G2E3: variants seen among roughly 807,000 people sequenced by gnomAD.
G2E3 encodes G2/M-phase specific E3 ubiquitin protein ligase.
In G2E3, 35 loss-of-function variants were observed where a neutral mutation model predicts 92.8. The ratio of observed to expected loss-of-function variants is 0.38; its 90% CI spans 0.29 to 0.50. The LOEUF (loss-of-function observed/expected upper bound fraction) is 0.50. Ranked by LOEUF, G2E3 falls within the 20% of genes least tolerant of loss-of-function variation. G2E3 has a pLI of 0.94. For synonymous variants in G2E3, 242 were observed against 272.4 expected (o/e 0.89, Z 1.10); for missense variants, 554 against 823.8 (o/e 0.67, Z 4.01).
intron 7 of G2E3, 33 bp downstream of exon 7, chr14:30,597,559 G>T (rs563969482): frequency 8.3e-6 from 9 of 1,081,388 alleles, no homozygotes; most frequent in Middle Eastern, 2.0e-4. Flanking sequence ...ATAAAAAAAA[G>T]ATATTTTAAA....
chr14:30,599,519 G>A (rs570426059), intron 8 of G2E3, among the ~76,000 whole-genome samples: 3 of 152,188 alleles, frequency 2.0e-5, no homozygotes, highest in African/African-American at 7.2e-5. Flanking sequence ...GAGCCACTGC[G>A]CTCGGCCATA....
At chr14:30,560,680 T>G in intron 1 of G2E3, 1 of 632,056 alleles carries the variant, frequency 1.6e-6, no homozygotes. Flanking sequence ...TTATTTTCAT[T>G]GGATTTTTGC....
chr14:30,570,220 A>G (rs1310650101), intron 1 of G2E3, among the ~76,000 whole-genome samples: 3 of 152,118 alleles, frequency 2.0e-5, no homozygotes, highest in Non-Finnish European at 4.4e-5. Flanking sequence ...GTATGTGTTA[A>G]TCACTTCTCT....
rs200321646 is a variant in G2E3 at position 30,586,952 on chromosome 14, ATT to A, written c.135+140_135+141del. ...ATTTTGTCTATCTCTAAAAATAGACATTTTGTTTTTTGATATTGAATTCTAAG... is the reference window on the plus strand; with the variant it reads ...ATTTTGTCTATCTCTAAAAATAGACATTGTTTTTTGATATTGAATTCTAAG... On this transcript the variant is annotated intron_variant, in intron 3 of 14. Transcript: ENST00000206595. 2.5e-3 allele frequency: 1,011 copies of A among 401,810 alleles called. 9 individuals are homozygous for A. The highest frequency in any genetic ancestry group is 0.019 in the African/African-American group (897 of 48,228). The allele number at this position is 401,810 out of a possible 1,614,324, so 24.9% of individuals were successfully genotyped here.
intron 2 of G2E3, among the ~76,000 whole-genome samples, chr14:30,583,277 T>C (rs1432267586): frequency 6.6e-6 from 1 of 152,248 alleles, no homozygotes; most frequent in African/African-American, 2.4e-5. Flanking sequence ...TATACTAACA[T>C]TTGGTTCTAT....
Position 30,592,479 on chromosome 14 carries a change from C to G in G2E3, c.362+32C>G, listed in dbSNP as rs758291674. 1.8e-5 allele frequency: 27 copies of G among 1,505,256 alleles called. 1 individual carries two copies. The South Asian group carries it at 3.5e-4, about 20-fold the overall frequency. The allele number at this position is 1,505,256 out of a possible 1,614,324, so 93.2% of individuals were successfully genotyped here. ...TATTTAACTGTTAAATATGAAAGTT[C>G]AGTGTTAAAGAATAGTGGAAAATAC... On this transcript the variant is annotated intron_variant, in intron 5 of 14. Transcript: ENST00000206595.
intron 1 of G2E3, among the ~76,000 whole-genome samples, chr14:30,569,306 C>G (rs928442966): frequency 1.3e-5 from 2 of 152,130 alleles, no homozygotes; most frequent in South Asian, 4.1e-4. Flanking sequence ...TTCTCTCCAT[C>G]GAATTACTTC....
rs752408347 is a variant in G2E3 at position 30,582,375 on chromosome 14, T to A, written c.37+1259T>A. The stretch of plus-strand genomic sequence containing the variant: ...AATGAATATAAAAATAATCTACTTA[T>A]AAAAATGCATGCCTGAAACCTAGTC... On this transcript the variant is annotated intron_variant, in intron 2 of 14. Coordinates refer to ENST00000206595, the MANE Select transcript of G2E3 (RefSeq NM_017769.5). Among the ~76,000 whole-genome samples the A allele has an allele frequency of 1.6e-4, 25 of 152,010 alleles. 1 individual carries two copies. The highest frequency in any genetic ancestry group is 2.8e-4 in the Non-Finnish European group (19 of 68,022).
At position 30,615,490 on chromosome 14, in the gene G2E3, T is replaced by C; in HGVS notation, c.1815T>C (p.Pro605=). The C allele has an allele frequency of 6.2e-7, 1 of 1,606,900 alleles. No individual in the cohort carries two copies. Among genetic ancestry groups the C allele is most frequent in the South Asian group, 1.1e-5 (1 of 89,690 alleles). ...AGCTTTTTACAGTACACACATTACC[T>C]GATGTGAAAGCTTTGGGGTTTTGGA... is the stretch of plus-strand genomic sequence containing the variant. The part of the protein sequence containing the change: ...LSELFTVHTL[P]DVKALGFWNS... Residue 605 remains proline (P), a synonymous_variant, in exon 14 of 15, where the codon CCT becomes CCC. Transcript: ENST00000206595.
chr14:30,613,845 A>AT (rs1882199625), intron 13 of G2E3, among the ~76,000 whole-genome samples: 1 of 152,092 alleles, frequency 6.6e-6, no homozygotes, highest in East Asian at 1.9e-4. Flanking sequence ...ACACTGGAGA[A>AT]TTTAAGTATG....
chr14:30,561,898 CTG>C (rs966235813), intron 1 of G2E3, among the ~76,000 whole-genome samples: 1 of 149,202 alleles, frequency 6.7e-6, no homozygotes, highest in African/African-American at 2.5e-5. Flanking sequence ...GCATATAATT[CTG>C]TGTAGTTTAG....
At chr14:30,589,846 A>G (rs745632649) in intron 4 of G2E3, among the ~76,000 whole-genome samples, 1 of 151,938 alleles carries the variant, frequency 6.6e-6, no homozygotes, top group African/African-American at 2.4e-5. Flanking sequence ...AGTCAACCCA[A>G]CCATATACTT....
intron 2 of G2E3, among the ~76,000 whole-genome samples, chr14:30,582,345 G>T (rs1880479735): frequency 6.6e-6 from 1 of 152,044 alleles, no homozygotes; most frequent in Non-Finnish European, 1.5e-5. Context: ...AAGCAGGAAG[G>T]TACAAATGAA....
chr14:30,563,978 CA>C (rs1446095310), intron 1 of G2E3, among the ~76,000 whole-genome samples: 1 of 152,170 alleles, frequency 6.6e-6, no homozygotes, highest in Non-Finnish European at 1.5e-5. Context: ...TTCAGCCTCC[CA>C]AAGTCCTGGG....
chr14:30,594,834 A>C (rs181604102), intron 6 of G2E3, among the ~76,000 whole-genome samples: 2 of 151,250 alleles, frequency 1.3e-5, no homozygotes, highest in East Asian at 3.9e-4. Context: ...TTCAGTTAAA[A>C]GTGCAGGATG....
chr14:30,562,217 G>A (rs145955146), intron 1 of G2E3, among the ~76,000 whole-genome samples: 13 of 152,160 alleles, frequency 8.5e-5, no homozygotes, highest in African/African-American at 2.6e-4. Context: ...CTGGGGGCAC[G>A]AGCTGTTCCA....
intron 1 of G2E3, among the ~76,000 whole-genome samples, chr14:30,575,180 G>A (rs1373893777): frequency 5.3e-5 from 8 of 152,120 alleles, no homozygotes; most frequent in Admixed American, 1.3e-4. Context: ...GATTAGTGAT[G>A]TTGAGCTTTT....
intron 1 of G2E3, chr14:30,577,930 A>G (rs904131233): frequency 1.4e-4 from 22 of 152,076 alleles, no homozygotes; most frequent in African/African-American, 5.3e-4. Flanking sequence ...GAATGGTTTT[A>G]TTTTGTTTCT....
Position 30,602,013 on chromosome 14 carries a change from G to A in G2E3, c.892G>A (p.Ala298Thr), listed in dbSNP as rs760900820. 1.2e-6 allele frequency: 2 copies of A among 1,610,818 alleles called. No homozygotes were observed. Among genetic ancestry groups the A allele is most frequent in the Non-Finnish European group, 1.7e-6 (2 of 1,178,582 alleles). ...TAAATCTGTAGGAGAGTTCCAAAAAGCCAAAAAACATGTATTACCCAATTC... is the reference window on the plus strand; with the variant it reads ...TAAATCTGTAGGAGAGTTCCAAAAAACCAAAAAACATGTATTACCCAATTC... ...IIYNSGEFQK[A>T]KKHVLPNSNN... The change falls in exon 10 of 15, where the codon GCC (alanine) becomes ACC (threonine). Residue 298 changes from alanine (A) to threonine (T), a missense_variant. This residue lies in a region of G2E3 where 397 missense variants were observed against 560.3 expected (regional missense o/e 0.71). Transcript: ENST00000206595.
Sources: gnomAD v4.1 joint callset for allele counts (sites outside exome capture counted in the v4.1 genomes callset) on GRCh38, gnomAD v4.1.1 for gene constraint, gnomAD v4.1.1 regional missense constraint, MANE v1.5 for transcripts, NCBI Gene and HGNC (gene_info 2026-07-23, HGNC 2026-07-21) for gene names.